The following GRM5 variants were observed in gnomAD, a reference collection of about 807,000 sequenced individuals.
GRM5 encodes glutamate metabotropic receptor 5.
A neutral mutation model predicts 83.1 loss-of-function variants in GRM5; 19 were observed. That is an observed-to-expected ratio of 0.23 (90% CI 0.16 to 0.34). The LOEUF is 0.34. GRM5 is among the 10% of genes least tolerant of loss of function. GRM5 has a pLI of 1.00. For missense variants in GRM5, 1,160 were observed against 1,588.3 expected (o/e 0.73, Z 4.58); for synonymous variants, 675 against 633.6 (o/e 1.07, Z -0.98).
rs777180707 is a variant in GRM5 at position 88,612,287 on chromosome 11, G to C, written c.1148-7323C>G. 2.3e-3 allele frequency among the ~76,000 whole-genome samples: 345 copies of C among 150,424 alleles called. 2 individuals are homozygous for C. The highest frequency in any genetic ancestry group is 0.011 in the South Asian group (51 of 4,760). On this transcript the variant is annotated intron_variant, in intron 4 of 9. Transcript: ENST00000305447. ...CCAATTTCATCCATGTCCCTACAAA[G>C]GACATGAACCCATCATTTTTTATGG... is the stretch of plus-strand genomic sequence containing the variant.
chr11:89,011,357 G>T (rs1411351717), intron 2 of GRM5, among the ~76,000 whole-genome samples: 2 of 152,106 alleles, frequency 1.3e-5, no homozygotes, highest in Non-Finnish European at 2.9e-5. Context: ...AAACAAATAG[G>T]TCTATTCATC....
chr11:88,785,857 C>G (rs899299850), intron 3 of GRM5, among the ~76,000 whole-genome samples: 5 of 152,044 alleles, frequency 3.3e-5, no homozygotes, highest in Admixed American at 2.6e-4. Context: ...GGAAAGTAAA[C>G]TACTGGAAAG....
intron 2 of GRM5, among the ~76,000 whole-genome samples, chr11:89,000,025 G>A (rs973251098): frequency 6.6e-6 from 1 of 152,076 alleles, no homozygotes; most frequent in African/African-American, 2.4e-5. Flanking sequence ...ATTCACAGGT[G>A]GGAATTGAAC....
chr11:88,905,948 A>C (rs1253717343), intron 2 of GRM5, among the ~76,000 whole-genome samples: 1 of 152,188 alleles, frequency 6.6e-6, no homozygotes, highest in Non-Finnish European at 1.5e-5. Flanking sequence ...TTAGAGAATA[A>C]AACAGGAGGG....
chr11:88,909,453 C>T (rs1367454123), intron 2 of GRM5, among the ~76,000 whole-genome samples: 2 of 142,282 alleles, frequency 1.4e-5, no homozygotes, highest in Admixed American at 1.5e-4. Context: ...CCTTTTTTTT[C>T]TGAATTTTTG....
chr11:88,849,817 A>C, intron 3 of GRM5, 89 bp downstream of exon 3: 1 of 1,258,664 alleles, frequency 7.9e-7, no homozygotes. Context: ...AAGCTTTGAA[A>C]GAATTTTTTA....
intron 3 of GRM5, among the ~76,000 whole-genome samples, chr11:88,803,743 C>G (rs1183336394): frequency 6.6e-6 from 1 of 151,812 alleles, no homozygotes; most frequent in Non-Finnish European, 1.5e-5. Context: ...TCAGAGTGAA[C>G]AGGCAACCTA....
chr11:88,987,992 G>T (rs11767051), intron 2 of GRM5, among the ~76,000 whole-genome samples: 396 of 151,472 alleles, frequency 2.6e-3, no homozygotes, highest in Middle Eastern at 0.014. Flanking sequence ...CACCAGCAAC[G>T]GAACAAAGCT....
chr11:88,871,255 C>T (rs890170957), intron 2 of GRM5, among the ~76,000 whole-genome samples: 2 of 151,416 alleles, frequency 1.3e-5, no homozygotes, highest in African/African-American at 4.8e-5. Context: ...ACAACTTACT[C>T]AAGGTCAAAT....
rs1941187478 is a variant in GRM5, at chr11:88,506,527, G to A, written c.*2065C>T. 1 of 152,092 alleles carries A rather than the reference G, an allele frequency of 6.6e-6. No homozygotes were observed. The highest frequency in any genetic ancestry group is 1.5e-5 in the Non-Finnish European group (1 of 68,002). The allele number at this position is 152,092 out of a possible 1,614,324, so 9.4% of individuals were successfully genotyped here. On this transcript the variant is annotated 3_prime_UTR_variant, in exon 10 of 10. Coordinates refer to ENST00000305447, the MANE Select transcript of GRM5 (RefSeq NM_001143831.3). ...AGACATTTGCTTTTAATGAAACCAT[G>A]AAACTTAGCTAGATTTCACTTACAT...
intron 3 of GRM5, among the ~76,000 whole-genome samples, chr11:88,826,451 T>C (rs910439160): frequency 6.6e-6 from 1 of 151,176 alleles, no homozygotes. Flanking sequence ...TAATTATATA[T>C]ATAATTATTT....
At chr11:88,822,263 G>A (rs1342770239) in intron 3 of GRM5, among the ~76,000 whole-genome samples, 1 of 152,132 alleles carries the variant, frequency 6.6e-6, no homozygotes, top group Non-Finnish European at 1.5e-5. Flanking sequence ...GACCTATTGT[G>A]TTATAGCCAC....
At chr11:88,822,547 C>T (rs867392889) in intron 3 of GRM5, among the ~76,000 whole-genome samples, 6 of 152,118 alleles carry the variant, frequency 3.9e-5, no homozygotes, top group East Asian at 3.8e-4. Context: ...TGTGCAAATA[C>T]GGAGGCAGAG....
chr11:89,031,733 A>C (rs866693643), intron 2 of GRM5, among the ~76,000 whole-genome samples: 2 of 152,002 alleles, frequency 1.3e-5, no homozygotes, highest in Non-Finnish European at 1.5e-5. Flanking sequence ...TTCTTCTCTT[A>C]TTTCTTTTCT....
chr11:88,868,820 T>C (rs781482422), intron 2 of GRM5, among the ~76,000 whole-genome samples: 6 of 151,708 alleles, frequency 4.0e-5, no homozygotes, highest in Admixed American at 3.3e-4. Context: ...ACAAAGCAAA[T>C]TGGAACAGAT....
chr11:89,053,654 G>A (rs939100345), intron 1 of GRM5, among the ~76,000 whole-genome samples: 9 of 143,354 alleles, frequency 6.3e-5, no homozygotes, highest in African/African-American at 1.3e-4. Flanking sequence ...AAAATATTGT[G>A]TGCTACATGG....
chr11:88,664,904 A>T (rs996799464), intron 3 of GRM5, among the ~76,000 whole-genome samples: 1 of 152,182 alleles, frequency 6.6e-6, no homozygotes, highest in Admixed American at 6.5e-5. Context: ...CTTAGAATCA[A>T]TCCCCCACAG....
intron 2 of GRM5, among the ~76,000 whole-genome samples, chr11:89,028,165 G>A (rs1211822948): frequency 1.3e-5 from 2 of 152,140 alleles, no homozygotes; most frequent in Non-Finnish European, 2.9e-5. Context: ...TGGTAGTCTG[G>A]TATGGCAGCA....
At chr11:88,608,075 G>C (rs1467132313) in intron 4 of GRM5, among the ~76,000 whole-genome samples, 1 of 152,098 alleles carries the variant, frequency 6.6e-6, no homozygotes, top group Non-Finnish European at 1.5e-5. Context: ...TATGCAAGTG[G>C]GTTACATGCA....
Sources: allele counts gnomAD v4.1 joint callset (sites outside exome capture counted in the v4.1 genomes callset), GRCh38; gene constraint gnomAD v4.1.1; transcripts MANE v1.5; gene names NCBI Gene and HGNC (gene_info 2026-07-23, HGNC 2026-07-21).